RGS17: variants seen among roughly 807,000 people sequenced by gnomAD.
The protein encoded by RGS17 is regulator of G protein signaling 17, also known as regulator of G-protein signaling 17.
In RGS17, 12 loss-of-function variants were observed where a neutral mutation model predicts 25.5. The ratio of observed to expected loss-of-function variants is 0.47; its 90% CI spans 0.30 to 0.76. The LOEUF (loss-of-function observed/expected upper bound fraction) is 0.76. Among genes scored for constraint, RGS17 ranks in the 30% least tolerant of loss-of-function variants. The pLI, the probability that RGS17 is intolerant of heterozygous loss-of-function variation, is 0.07. For synonymous variants in RGS17, 71 were observed against 76.9 expected (o/e 0.92, Z 0.40); for missense variants, 196 against 242.2 (o/e 0.81, Z 1.27).
At chr6:153,052,549 T>C (rs968191807) in intron 1 of RGS17, among the ~76,000 whole-genome samples, 15 of 151,962 alleles carry the variant, frequency 9.9e-5, no homozygotes, top group Admixed American at 2.6e-4. Flanking sequence ...TAATATTTGG[T>C]TTTACATGTT....
At chr6:153,064,378 C>A (rs1776678604) in intron 1 of RGS17, among the ~76,000 whole-genome samples, 1 of 152,144 alleles carries the variant, frequency 6.6e-6, no homozygotes, top group East Asian at 1.9e-4. Context: ...TGCCTGTAAT[C>A]CCAGCACTTT....
intron 1 of RGS17, among the ~76,000 whole-genome samples, chr6:153,120,631 C>CG (rs955944714): frequency 4.4e-4 from 67 of 152,310 alleles, no homozygotes; most frequent in African/African-American, 1.5e-3. Context: ...GGTAATCCTC[C>CG]GCTTAGAGAG....
chr6:153,015,709 A>G (rs932670036), intron 4 of RGS17, among the ~76,000 whole-genome samples: 4 of 150,792 alleles, frequency 2.7e-5, no homozygotes, highest in African/African-American at 9.8e-5. Flanking sequence ...GCTGGAGTGC[A>G]GTGGCGCGAT....
chr6:153,024,581 A>T, intron 3 of RGS17, 85 bp from the exon 4 acceptor site: 1 of 994,080 alleles, frequency 1.0e-6, no homozygotes, highest in Non-Finnish European at 1.5e-6. Flanking sequence ...GCAGATAGAA[A>T]TTCTATCAAT....
At chr6:153,037,075 C>T (rs1026419346) in intron 2 of RGS17, among the ~76,000 whole-genome samples, 1 of 151,842 alleles carries the variant, frequency 6.6e-6, no homozygotes, top group Non-Finnish European at 1.5e-5. Context: ...CTATTTTGTT[C>T]TTCTTGACTT....
chr6:153,056,597 A>G (rs933101949), intron 1 of RGS17, among the ~76,000 whole-genome samples: 4 of 152,322 alleles, frequency 2.6e-5, no homozygotes, highest in East Asian at 1.9e-4. Context: ...TCAAGTTTAC[A>G]TAGATGATTA....
At chr6:153,107,448 C>T (rs1423483728) in intron 1 of RGS17, among the ~76,000 whole-genome samples, 1 of 152,062 alleles carries the variant, frequency 6.6e-6, no homozygotes, top group Non-Finnish European at 1.5e-5. Context: ...TTTAACAATA[C>T]TTTATTTAAA....
Position 153,075,525 on chromosome 6 carries a change from T to G in RGS17, c.-25-31482A>C, listed in dbSNP as rs191098174. 5.7e-3 allele frequency among the ~76,000 whole-genome samples: 861 copies of G among 152,262 alleles called. 7 individuals carry two copies. Among genetic ancestry groups the G allele is most frequent in the Middle Eastern group, 0.034 (10 of 294 alleles). ...AGAGCTCTTGAACTGCCTAGTGGGC[T>G]GTCACTGGCACGGACTGCTGCATGG... On this transcript the variant is annotated intron_variant, in intron 1 of 4. Coordinates refer to ENST00000206262, the MANE Select transcript of RGS17 (RefSeq NM_012419.5).
At chr6:153,045,386 A>G (rs1776374101) in intron 1 of RGS17, among the ~76,000 whole-genome samples, 1 of 152,214 alleles carries the variant, frequency 6.6e-6, no homozygotes, top group African/African-American at 2.4e-5. Context: ...AATAATTTCT[A>G]CTATTCAGTA....
chr6:153,033,455 T>C (rs1776184895), intron 2 of RGS17, among the ~76,000 whole-genome samples: 2 of 152,162 alleles, frequency 1.3e-5, no homozygotes, highest in East Asian at 1.9e-4. Flanking sequence ...TGGTGGCTCA[T>C]GCTTGTAATC....
At chr6:153,062,800 TCAGCCAAA>T (rs1055906001) in intron 1 of RGS17, among the ~76,000 whole-genome samples, 4 of 152,088 alleles carry the variant, frequency 2.6e-5, no homozygotes, top group Non-Finnish European at 5.9e-5. Context: ...GGATACCAGC[TCAGCCAAA>T]CAGGATATGG....
intron 1 of RGS17, among the ~76,000 whole-genome samples, chr6:153,121,299 A>C (rs771426128): frequency 3.2e-4 from 49 of 152,194 alleles, no homozygotes; most frequent in Non-Finnish European, 6.3e-4. Context: ...TCTCTAACAT[A>C]ACATTTTAGA....
chr6:153,034,868 G>A (rs11155889), intron 2 of RGS17, among the ~76,000 whole-genome samples: 30,127 of 152,022 alleles, frequency 0.2, 3,480 homozygotes, highest in Non-Finnish European at 0.27. Flanking sequence ...ATATTGCTTT[G>A]GCTGCGAGCG....
At position 153,079,082 on chromosome 6, in the gene RGS17, ATT is replaced by A. The variant is rs112637774; in HGVS notation, c.-25-35041_-25-35040del. 5.1e-4 allele frequency among the ~76,000 whole-genome samples: 75 copies of A among 147,802 alleles called. 1 individual carries two copies. Among genetic ancestry groups the A allele is most frequent in the South Asian group, 1.1e-3 (5 of 4,638 alleles). ...AAACAATGTTGAAAAGAAGTGATAA[ATT>A]TTTTTTTTTTTTGAGATAGAGTCTT... is the stretch of plus-strand genomic sequence containing the variant. On this transcript the variant is annotated intron_variant, in intron 1 of 4. Coordinates refer to ENST00000206262, the MANE Select transcript of RGS17 (RefSeq NM_012419.5).
chr6:153,021,247 T>C (rs1258187040), intron 4 of RGS17, among the ~76,000 whole-genome samples: 2 of 152,216 alleles, frequency 1.3e-5, no homozygotes, highest in Non-Finnish European at 1.5e-5. Flanking sequence ...ATTAGTCCAG[T>C]GCTCTAATTC....
intron 2 of RGS17, among the ~76,000 whole-genome samples, chr6:153,038,266 G>A (rs541976391): frequency 2.0e-5 from 3 of 152,172 alleles, no homozygotes; most frequent in Non-Finnish European, 2.9e-5. Context: ...TCACCAGAGT[G>A]AGGCTCCTTC....
intron 1 of RGS17, among the ~76,000 whole-genome samples, chr6:153,045,981 T>C (rs975614734): frequency 5.9e-5 from 9 of 152,138 alleles, no homozygotes; most frequent in Admixed American, 2.6e-4. Context: ...AAATGCGGTA[T>C]ATATACATCA....
chr6:153,076,893 A>G (rs896769002), intron 1 of RGS17, among the ~76,000 whole-genome samples: 4 of 152,220 alleles, frequency 2.6e-5, no homozygotes, highest in African/African-American at 9.6e-5. Flanking sequence ...ATGATTACCA[A>G]TGGATTCTGA....
chr6:153,130,031 G>A lies in RGS17; in HGVS notation c.-26+1093C>T, dbSNP rs999562174. Among the ~76,000 whole-genome samples, 1 of 152,044 alleles carries A rather than the reference G, an allele frequency of 6.6e-6. No individual in the cohort carries two copies. Among genetic ancestry groups the A allele is most frequent in the Non-Finnish European group, 1.5e-5 (1 of 67,966 alleles). On this transcript the variant is annotated intron_variant, in intron 1 of 4. Transcript: ENST00000206262. The surrounding 1 kb of genome is among the most constrained non-coding windows in gnomAD (Gnocchi z 6.4). ...GCCCAGGGACTCCCGAGGCTGGCGC[G>A]GGCTGCCCGCGACAAGGTGCCAGCA...
Sources: allele counts gnomAD v4.1 joint callset (sites outside exome capture counted in the v4.1 genomes callset), GRCh38; gene constraint gnomAD v4.1.1; non-coding constraint Gnocchi (gnomAD v3.1); transcripts MANE v1.5; gene names NCBI Gene and HGNC (gene_info 2026-07-23, HGNC 2026-07-21).